Variants in PALLD observed in about 807,000 individuals in gnomAD.
PALLD encodes the protein palladin.
Under a neutral mutation model 123.5 loss-of-function variants are expected in PALLD, and 61 were observed. That is an observed-to-expected ratio of 0.49 (90% confidence interval 0.40 to 0.61). The LOEUF (loss-of-function observed/expected upper bound fraction) is 0.61. PALLD is among the 20% of genes least tolerant of loss of function. The pLI, the probability that PALLD is intolerant of heterozygous loss-of-function variation, is 0.00. For missense variants in PALLD, 1,273 were observed against 1,377.0 expected (o/e 0.92, Z 1.20); for synonymous variants, 465 against 496.4 (o/e 0.94, Z 0.84).
At chr4:168,876,779 CT>C (rs1560835516) in intron 10 of PALLD, among the ~76,000 whole-genome samples, 1 of 152,070 alleles carries the variant, frequency 6.6e-6, no homozygotes, top group Non-Finnish European at 1.5e-5. Context: ...TCATAGATAA[CT>C]TGTTTTATCT....
chr4:168,691,347 C>G, intron 8 of PALLD, 55 bp downstream of exon 8: 1 of 1,402,692 alleles, frequency 7.1e-7, no homozygotes, highest in Non-Finnish European at 1.0e-6. Flanking sequence ...GATAATGTAT[C>G]TTTTGGGTCT....
In PALLD at chr4:168,898,606, G is replaced by A. The variant is rs1476699268; in HGVS notation, c.2364G>A (p.Val788=). Residue 788 remains valine (V), a synonymous_variant, in exon 14 of 22, where the codon GTG becomes GTA. Coordinates refer to ENST00000505667, the MANE Select transcript of PALLD (RefSeq NM_001166108.2). ...AAGTTCAGTATGGAGATGTGCCTGTGGAAAATGGAATGGCACCATTCTTTG... is the reference window on the plus strand; with the variant it reads ...AAGTTCAGTATGGAGATGTGCCTGTAGAAAATGGAATGGCACCATTCTTTG... ...GDEVQYGDVP[V]ENGMAPFFEM... 3.1e-6 allele frequency: 5 copies of A among 1,613,610 alleles called. No homozygotes were observed. The highest frequency in any genetic ancestry group is 2.2e-5 in the East Asian group (1 of 44,886).
chr4:168,697,611 AT>A (rs1381917880), intron 8 of PALLD, among the ~76,000 whole-genome samples: 3 of 152,170 alleles, frequency 2.0e-5, no homozygotes, highest in African/African-American at 7.2e-5. Context: ...TGTCACCTGG[AT>A]CAGCTGGGAA....
rs371575104 is a variant in PALLD at position 168,539,107 on chromosome 4, T to C, written c.908+26695T>C. Among the ~76,000 whole-genome samples, 288 of 152,356 alleles carry C rather than the reference T, an allele frequency of 1.9e-3. 1 individual carries two copies. Among genetic ancestry groups the C allele is most frequent in the African/African-American group, 6.3e-3 (264 of 41,578 alleles). Reference sequence around the variant, plus strand: ...TTGTGAGTACCTACTACCTGAGGGATGAATTTCAATGGCACACCTTATTTT... The same window carrying C: ...TTGTGAGTACCTACTACCTGAGGGACGAATTTCAATGGCACACCTTATTTT... On this transcript the variant is annotated intron_variant, in intron 2 of 21. Coordinates refer to ENST00000505667, the MANE Select transcript of PALLD (RefSeq NM_001166108.2).
chr4:168,597,085 T>C (rs1772066337), intron 2 of PALLD, among the ~76,000 whole-genome samples: 1 of 152,122 alleles, frequency 6.6e-6, no homozygotes, highest in Non-Finnish European at 1.5e-5. Context: ...GAGAGATAAT[T>C]GTGTTACAGT....
intron 2 of PALLD, among the ~76,000 whole-genome samples, chr4:168,531,395 C>G (rs1461296128): frequency 6.6e-6 from 1 of 152,096 alleles, no homozygotes; most frequent in Non-Finnish European, 1.5e-5. Flanking sequence ...ACAGGATATC[C>G]CAGGTAAAGA....
intron 8 of PALLD, among the ~76,000 whole-genome samples, chr4:168,699,075 C>T (rs1783430251): frequency 6.6e-6 from 1 of 151,894 alleles, no homozygotes; most frequent in Non-Finnish European, 1.5e-5. Context: ...TAAAAAAATC[C>T]TTTGCAATTT....
chr4:168,925,299 A>C, intron 21 of PALLD, 21 bp downstream of exon 21: 2 of 1,567,896 alleles, frequency 1.3e-6, no homozygotes, highest in South Asian at 2.2e-5. Context: ...GGAACTTTGA[A>C]TTATTAGCAA....
At chr4:168,526,368 C>T (rs921457460) in intron 2 of PALLD, among the ~76,000 whole-genome samples, 4 of 152,166 alleles carry the variant, frequency 2.6e-5, no homozygotes, top group African/African-American at 4.8e-5. Flanking sequence ...CCAGCCAAAA[C>T]GTGTCTTTCA....
At chr4:168,629,179 A>C (rs917675415) in intron 2 of PALLD, among the ~76,000 whole-genome samples, 1 of 151,888 alleles carries the variant, frequency 6.6e-6, no homozygotes, top group Non-Finnish European at 1.5e-5. Context: ...GCCATGCCCA[A>C]CTAATTTTTG....
intron 2 of PALLD, among the ~76,000 whole-genome samples, chr4:168,605,113 A>G (rs1385759975): frequency 6.6e-6 from 1 of 152,048 alleles, no homozygotes; most frequent in Non-Finnish European, 1.5e-5. Flanking sequence ...CTGAGCTCCA[A>G]ATGTGATGTT....
rs368730052 is a variant in PALLD, at chr4:168,926,857, AAAG to A, written c.*685_*687del. Reference sequence around the variant, plus strand: ...GAACCAAGTGCAATATGTAAGGATGAAAGAAGAAGAGATGACAAAGAAATCCAA... The same window carrying A: ...GAACCAAGTGCAATATGTAAGGATGAAAGAAGAGATGACAAAGAAATCCAA... On this transcript the variant is annotated 3_prime_UTR_variant, in exon 22 of 22. Transcript: ENST00000505667. 44 of 221,122 alleles carry A rather than the reference AAAG, an allele frequency of 2.0e-4. No individual in the cohort carries two copies. Among genetic ancestry groups the A allele is most frequent in the Admixed American group, 1.3e-3 (22 of 17,426 alleles). 13.7% of individuals were successfully genotyped at this position (221,122 alleles called of 1,614,324 possible). A position where few individuals can be genotyped will look rare whatever the true frequency, so the allele number is the denominator to read the frequency against.
At chr4:168,580,619 C>A (rs1482607750) in intron 2 of PALLD, among the ~76,000 whole-genome samples, 1 of 152,008 alleles carries the variant, frequency 6.6e-6, no homozygotes, top group East Asian at 1.9e-4. Flanking sequence ...AATCACATTA[C>A]CGGGTATATA....
chr4:168,645,985 G>A (rs992538728), intron 2 of PALLD, among the ~76,000 whole-genome samples: 4 of 152,162 alleles, frequency 2.6e-5, no homozygotes, highest in Non-Finnish European at 5.9e-5. Context: ...TTAAAAACCG[G>A]GAGACGACCT....
intron 20 of PALLD, 21 bp from the exon 21 acceptor site, chr4:168,925,208 GCTCT>G (rs536545858): frequency 3.8e-6 from 6 of 1,583,098 alleles, no homozygotes; most frequent in Middle Eastern, 1.7e-4. Context: ...AATTCATATT[GCTCT>G]CTCTCTCTTT....
At chr4:168,868,526 T>C (rs1750649294) in intron 10 of PALLD, among the ~76,000 whole-genome samples, 1 of 152,184 alleles carries the variant, frequency 6.6e-6, no homozygotes, top group Non-Finnish European at 1.5e-5. Context: ...AAATAAAGCA[T>C]GAACTCCACC....
At chr4:168,856,981 C>G (rs1748696919) in intron 10 of PALLD, among the ~76,000 whole-genome samples, 1 of 152,208 alleles carries the variant, frequency 6.6e-6, no homozygotes, top group South Asian at 2.1e-4. Flanking sequence ...GCACAAAGCA[C>G]AAGGCATATT....
At chr4:168,625,284 A>G (rs1056422253) in intron 2 of PALLD, among the ~76,000 whole-genome samples, 2 of 152,056 alleles carry the variant, frequency 1.3e-5, no homozygotes, top group African/African-American at 4.8e-5. Flanking sequence ...TTAATAGATG[A>G]TGATAATAGC....
At chr4:168,576,601 T>G (rs1397305455) in intron 2 of PALLD, among the ~76,000 whole-genome samples, 2 of 151,612 alleles carry the variant, frequency 1.3e-5, no homozygotes, top group Non-Finnish European at 1.5e-5. Flanking sequence ...TTCCATGGTG[T>G]ATATGTGCCA....
Sources: allele counts gnomAD v4.1 joint callset (sites outside exome capture counted in the v4.1 genomes callset), GRCh38; gene constraint gnomAD v4.1.1; transcripts MANE v1.5; gene names NCBI Gene and HGNC (gene_info 2026-07-23, HGNC 2026-07-21).